CALN1: variants seen among roughly 807,000 people sequenced by gnomAD.
CALN1 encodes calneuron 1, also known as calcium-binding protein 8.
Under a neutral mutation model 30.6 loss-of-function variants are expected in CALN1, and 17 were observed. The observed-to-expected ratio is 0.56, with a 90% CI of 0.38 to 0.83. The LOEUF (loss-of-function observed/expected upper bound fraction) is 0.83, where lower values mean the gene tolerates loss of function less well. Among genes scored for constraint, CALN1 ranks in the 40% least tolerant of loss-of-function variants. The pLI is 0.00. For synonymous variants in CALN1, 156 were observed against 131.4 expected (o/e 1.19, Z -1.28); for missense variants, 291 against 354.9 (o/e 0.82, Z 1.45).
intron 2 of CALN1, among the ~76,000 whole-genome samples, chr7:72,362,076 A>G (rs1437165723): frequency 6.6e-6 from 1 of 152,148 alleles, no homozygotes; most frequent in African/African-American, 2.4e-5. Context: ...CCATAGTGCC[A>G]TTTCTTCCTT....
chr7:72,278,025 T>G (rs2129554001), intron 3 of CALN1, among the ~76,000 whole-genome samples: 3 of 132,324 alleles, frequency 2.3e-5, no homozygotes, highest in Non-Finnish European at 1.7e-5. Flanking sequence ...GGGGGACTTG[T>G]TTTTCCTATT....
At position 72,174,051 on chromosome 7, in the gene CALN1, T is replaced by G. The variant is rs192041474; in HGVS notation, c.245-67757A>C. ...AACATGCATGCAAACAAAGAACTTA[T>G]ATCTAGTATATATAAAGAATTTATA... On this transcript the variant is annotated intron_variant, in intron 3 of 6. Coordinates refer to ENST00000395275, the MANE Select transcript of CALN1 (RefSeq NM_031468.4). Among the ~76,000 whole-genome samples the G allele has an allele frequency of 1.0e-3, 153 of 152,132 alleles. 1 individual carries two copies. The highest frequency in any genetic ancestry group is 3.5e-3 in the African/African-American group (144 of 41,550).
At chr7:71,812,929 C>CATCATCATTATTATTATTATT (rs1287091997) in intron 5 of CALN1, among the ~76,000 whole-genome samples, 164 of 136,496 alleles carry the variant, frequency 1.2e-3, no homozygotes, top group Non-Finnish European at 1.8e-3. Context: ...TCATCATCAT[C>CATCATCATTATTATTATTATT]ATTATTATTA....
intron 5 of CALN1, among the ~76,000 whole-genome samples, chr7:71,947,041 C>T (rs1401647653): frequency 1.3e-5 from 2 of 151,988 alleles, no homozygotes; most frequent in African/African-American, 2.4e-5. Flanking sequence ...GACAGAGTCT[C>T]GCTCTGCCAC....
chr7:72,208,090 T>C (rs1436233837), intron 3 of CALN1, among the ~76,000 whole-genome samples: 1 of 152,174 alleles, frequency 6.6e-6, no homozygotes, highest in Non-Finnish European at 1.5e-5. Flanking sequence ...AAATTCACAT[T>C]TTAAATTGAG....
intron 6 of CALN1, among the ~76,000 whole-genome samples, chr7:71,798,875 T>C (rs551801038): frequency 7.5e-4 from 114 of 152,094 alleles, no homozygotes; most frequent in African/African-American, 2.7e-3. Context: ...CCACCTGCCT[T>C]GGCCTCCCAA....
chr7:71,847,782 G>GA (rs1790382433), intron 5 of CALN1, among the ~76,000 whole-genome samples: 1 of 146,326 alleles, frequency 6.8e-6, no homozygotes, highest in African/African-American at 2.6e-5. Flanking sequence ...GAAAGAAGAA[G>GA]AAGAAGAAGA....
chr7:72,107,862 A>C (rs1483667976), intron 3 of CALN1, among the ~76,000 whole-genome samples: 2 of 152,120 alleles, frequency 1.3e-5, no homozygotes, highest in African/African-American at 4.8e-5. Context: ...GCTCGACTCC[A>C]CTCAGGATGG....
chr7:71,855,477 GC>G (rs937041709), intron 5 of CALN1, among the ~76,000 whole-genome samples: 6 of 152,122 alleles, frequency 3.9e-5, no homozygotes, highest in African/African-American at 1.4e-4. Flanking sequence ...AGCCCCAAAG[GC>G]CATAAATGTC....
intron 2 of CALN1, among the ~76,000 whole-genome samples, chr7:72,377,428 C>G (rs868642011): frequency 4.0e-4 from 52 of 131,522 alleles, no homozygotes; most frequent in African/African-American, 1.4e-3. Context: ...TAATATGGGC[C>G]ACACTTTCGT....
At chr7:72,163,391 TTAAAA>T (rs1443390076) in intron 3 of CALN1, among the ~76,000 whole-genome samples, 3,342 of 130,418 alleles carry the variant, frequency 0.026, 161 homozygotes, top group African/African-American at 0.089. Context: ...TTATTGGAGA[TTAAAA>T]AAAAAAAAAA....
At chr7:72,256,644 T>C (rs1007601827) in intron 3 of CALN1, among the ~76,000 whole-genome samples, 14 of 152,010 alleles carry the variant, frequency 9.2e-5, no homozygotes, top group African/African-American at 3.1e-4. Flanking sequence ...TTTTGGTCTG[T>C]CACCCACGCT....
chr7:71,839,128 A>G (rs183128551), intron 5 of CALN1, among the ~76,000 whole-genome samples: 1 of 152,140 alleles, frequency 6.6e-6, no homozygotes, highest in Admixed American at 6.5e-5. Flanking sequence ...CATTCTTGAG[A>G]GAGAGAGAGA....
chr7:72,126,680 C>T (rs1036937406), intron 3 of CALN1, among the ~76,000 whole-genome samples: 2 of 151,992 alleles, frequency 1.3e-5, no homozygotes, highest in African/African-American at 4.8e-5. Flanking sequence ...CATAGCTTAG[C>T]TCACACTTAG....
At chr7:72,028,341 C>G (rs916238077) in intron 4 of CALN1, among the ~76,000 whole-genome samples, 1 of 152,134 alleles carries the variant, frequency 6.6e-6, no homozygotes, top group Admixed American at 6.5e-5. Context: ...TTCACAGGTC[C>G]ACATGGAGCT....
At chr7:72,158,544 G>A (rs1199323258) in intron 3 of CALN1, among the ~76,000 whole-genome samples, 1 of 152,186 alleles carries the variant, frequency 6.6e-6, no homozygotes, top group Non-Finnish European at 1.5e-5. Flanking sequence ...GCTACAGTGT[G>A]GAGAAGTGAC....
At chr7:72,405,139 G>A (rs964335109) in intron 1 of CALN1, among the ~76,000 whole-genome samples, 2 of 152,304 alleles carry the variant, frequency 1.3e-5, no homozygotes, top group East Asian at 1.9e-4. Context: ...AGGGTGTTAT[G>A]TCCTGCGATT....
At chr7:72,249,079 T>G (rs894539540) in intron 3 of CALN1, among the ~76,000 whole-genome samples, 1 of 152,132 alleles carries the variant, frequency 6.6e-6, no homozygotes, top group African/African-American at 2.4e-5. Flanking sequence ...AAAAACCACA[T>G]GGGTTGTGCT....
intron 2 of CALN1, among the ~76,000 whole-genome samples, chr7:72,368,468 C>G (rs1585595190): frequency 1.3e-5 from 2 of 151,832 alleles, no homozygotes; most frequent in East Asian, 3.9e-4. Flanking sequence ...TTGTGTGTAT[C>G]ATTCAAATTT....
Sources: allele counts gnomAD v4.1 joint callset (sites outside exome capture counted in the v4.1 genomes callset), GRCh38; gene constraint gnomAD v4.1.1; transcripts MANE v1.5; gene names NCBI Gene and HGNC (gene_info 2026-07-23, HGNC 2026-07-21).